Variants in GNG2 observed in about 807,000 individuals in gnomAD.
GNG2 encodes G protein subunit gamma 2.
In GNG2, 5 loss-of-function variants were observed where a neutral mutation model predicts 5.5. That is an observed-to-expected ratio of 0.91 (90% CI 0.48 to 1.92). The LOEUF is 1.92. Ranked by LOEUF, GNG2 falls within the 30% of genes most tolerant of loss-of-function variation. The pLI, the probability that GNG2 is intolerant of heterozygous loss-of-function variation, is 0.01. For missense variants in GNG2, 55 were observed against 88.4 expected (o/e 0.62, Z 1.52); for synonymous variants, 28 against 32.0 (o/e 0.88, Z 0.42).
At chr14:51,951,933 G>A (rs1483802895) in intron 3 of GNG2, 2 of 701,044 alleles carry the variant, frequency 2.9e-6, no homozygotes, top group African/African-American at 1.8e-5. Flanking sequence ...CAGCTCATCT[G>A]TGCGTTCCCA....
chr14:51,865,654 G>T (rs1882828036), intron 1 of GNG2, among the ~76,000 whole-genome samples: 1 of 151,908 alleles, frequency 6.6e-6, no homozygotes, highest in Admixed American at 6.6e-5. Flanking sequence ...TCATATTAGG[G>T]CAAAGTCTTT....
At chr14:51,835,923 A>G (rs1232676021) in intron 2 of GNG2, among the ~76,000 whole-genome samples, 1 of 152,088 alleles carries the variant, frequency 6.6e-6, no homozygotes, top group East Asian at 1.9e-4. Flanking sequence ...TTACAGGGAA[A>G]CATATATTAT....
At chr14:51,871,341 A>G (rs1267822113) in intron 1 of GNG2, among the ~76,000 whole-genome samples, 1 of 151,282 alleles carries the variant, frequency 6.6e-6, no homozygotes, top group Non-Finnish European at 1.5e-5. Context: ...CAAAAAAAAA[A>G]AGGTCCAACT....
At chr14:51,950,624 A>C in intron 2 of GNG2, 26 bp from the exon 3 acceptor site, 4 of 1,365,076 alleles carry the variant, frequency 2.9e-6, no homozygotes, top group Non-Finnish European at 4.2e-6. Context: ...TCTCTGGTAC[A>C]ATCTTCTTTT....
At chr14:51,867,446 T>C (rs57928440) in intron 1 of GNG2, among the ~76,000 whole-genome samples, 10,062 of 152,282 alleles carry the variant, frequency 0.066, 618 homozygotes, top group East Asian at 0.26. Flanking sequence ...TAATTGTTAA[T>C]GACACCCCAT....
chr14:51,876,487 A>G (rs1172152587), intron 1 of GNG2, among the ~76,000 whole-genome samples: 1 of 152,138 alleles, frequency 6.6e-6, no homozygotes, highest in Non-Finnish European at 1.5e-5. Context: ...AGCTTCCACT[A>G]TCACCAATAA....
At chr14:51,854,507 T>C (rs1043785240) in intron 2 of GNG2, among the ~76,000 whole-genome samples, 1 of 152,054 alleles carries the variant, frequency 6.6e-6, no homozygotes. Context: ...AAATTTTTTC[T>C]TTGTTTTTAT....
chr14:51,896,258 G>A (rs1299222229), intron 2 of GNG2, among the ~76,000 whole-genome samples: 1 of 152,166 alleles, frequency 6.6e-6, no homozygotes, highest in East Asian at 1.9e-4. Context: ...GAGAGGAAGG[G>A]AACTAATATT....
intron 1 of GNG2, among the ~76,000 whole-genome samples, chr14:51,861,585 G>A (rs1443131196): frequency 1.3e-5 from 2 of 152,164 alleles, no homozygotes; most frequent in Non-Finnish European, 2.9e-5. Context: ...GTTTCCTTAC[G>A]CGAATATCTG....
chr14:51,911,581 T>C (rs1161047680), intron 2 of GNG2, among the ~76,000 whole-genome samples: 1 of 151,988 alleles, frequency 6.6e-6, no homozygotes, highest in African/African-American at 2.4e-5. Context: ...TCTTGCTCTA[T>C]TACCCAAGCT....
chr14:51,898,790 C>T (rs1342118535), intron 2 of GNG2, among the ~76,000 whole-genome samples: 1 of 152,178 alleles, frequency 6.6e-6, no homozygotes, highest in African/African-American at 2.4e-5. Context: ...GGCACTGTCC[C>T]CTTTCTTTGA....
At chr14:51,929,478 C>T (rs1887529261) in intron 2 of GNG2, among the ~76,000 whole-genome samples, 1 of 152,184 alleles carries the variant, frequency 6.6e-6, no homozygotes, top group Non-Finnish European at 1.5e-5. Context: ...TCACAGAACC[C>T]TCTAGCAGCT....
At chr14:51,839,159 C>A (rs558624481) in intron 2 of GNG2, among the ~76,000 whole-genome samples, 1 of 152,244 alleles carries the variant, frequency 6.6e-6, no homozygotes, top group African/African-American at 2.4e-5. Flanking sequence ...TGTGACACAG[C>A]CTGAGAAGGC....
At chr14:51,926,679 T>A (rs74051306) in intron 2 of GNG2, among the ~76,000 whole-genome samples, 1 of 152,108 alleles carries the variant, frequency 6.6e-6, no homozygotes, top group Non-Finnish European at 1.5e-5. Context: ...CCTGGCCTCT[T>A]CCTTTTCCGG....
chr14:51,827,878 G>T (rs1881070342), intron 2 of GNG2: 2 of 620,150 alleles, frequency 3.2e-6, no homozygotes, highest in South Asian at 3.8e-5. Flanking sequence ...TTCTCTGAGG[G>T]AATGGTGGAA....
intron 2 of GNG2, among the ~76,000 whole-genome samples, chr14:51,945,888 C>A (rs1888615469): frequency 1.5e-5 from 2 of 137,588 alleles, no homozygotes; most frequent in African/African-American, 5.2e-5. Context: ...TCCTCTTCCT[C>A]TCACGTTGCG....
At chr14:51,908,674 A>T (rs1248484748) in intron 2 of GNG2, among the ~76,000 whole-genome samples, 1 of 150,624 alleles carries the variant, frequency 6.6e-6, no homozygotes, top group Non-Finnish European at 1.5e-5. Flanking sequence ...GGTTCAAGCA[A>T]TTCTCCTGCC....
At chr14:51,889,968 G>A (rs771487941) in intron 2 of GNG2, among the ~76,000 whole-genome samples, 1 of 152,148 alleles carries the variant, frequency 6.6e-6, no homozygotes, top group African/African-American at 2.4e-5. Context: ...AGCTAAATCA[G>A]ATTATTTATC....
intron 2 of GNG2, among the ~76,000 whole-genome samples, chr14:51,936,637 G>T (rs1888026624): frequency 6.6e-6 from 1 of 151,514 alleles, no homozygotes; most frequent in Admixed American, 6.6e-5. Context: ...TGCAGCCTCA[G>T]ACTTCTGGCT....
Sources: gnomAD v4.1 joint callset for allele counts (sites outside exome capture counted in the v4.1 genomes callset) on GRCh38, gnomAD v4.1.1 for gene constraint, MANE v1.5 for transcripts, NCBI Gene and HGNC (gene_info 2026-07-23, HGNC 2026-07-21) for gene names.